Variants in PUDP observed in about 807,000 individuals in gnomAD.
The protein encoded by PUDP is pseudouridine-5'-phosphatase.
PUDP carries 8 observed loss-of-function variants against 9.4 expected under a neutral mutation model. The ratio of observed to expected loss-of-function variants is 0.85; its 90% CI spans 0.50 to 1.53. PUDP has a LOEUF of 1.53. Ranked by LOEUF, PUDP falls within the 40% of genes most tolerant of loss-of-function variation. PUDP has a pLI of 0.00. For synonymous variants in PUDP, 99 were observed against 80.7 expected (o/e 1.23, Z -1.22); for missense variants, 188 against 189.7 (o/e 0.99, Z 0.05).
chrX:6,816,948 C>T (rs1345205482), intron 3 of PUDP, among the ~76,000 whole-genome samples: 1 of 90,296 alleles, frequency 1.1e-5, no homozygotes, highest in African/African-American at 4.2e-5. Flanking sequence ...ATAGTATATA[C>T]TATATGTATA....
intron 1 of PUDP, among the ~76,000 whole-genome samples, chrX:7,014,890 T>C (rs1202313267): frequency 3.6e-5 from 4 of 111,739 alleles, no homozygotes; most frequent in African/African-American, 1.3e-4. Flanking sequence ...ATTCAACAAA[T>C]TGCAACACTG....
At chrX:6,936,032 C>T (rs1928292844) in intron 3 of PUDP, among the ~76,000 whole-genome samples, 2 of 110,901 alleles carry the variant, frequency 1.8e-5, no homozygotes, top group Admixed American at 1.9e-4. Context: ...CAGGTGGATT[C>T]ACAGCCGAAT....
chrX:7,146,983 T>A (rs1176649637), intron 1 of PUDP, among the ~76,000 whole-genome samples: 1 of 110,566 alleles, frequency 9.0e-6, no homozygotes, highest in Non-Finnish European at 1.9e-5. Flanking sequence ...ATATGAAGCC[T>A]CCTGGTGATT....
intron 1 of PUDP, among the ~76,000 whole-genome samples, chrX:7,008,059 G>C (rs1354489646): frequency 9.1e-6 from 1 of 110,070 alleles, no homozygotes; most frequent in African/African-American, 3.3e-5. Flanking sequence ...CACTTCCTGG[G>C]TTCACACCAT....
chrX:6,794,915 T>A (rs1925816388), intron 3 of PUDP, among the ~76,000 whole-genome samples: 2 of 28,245 alleles, frequency 7.1e-5, no homozygotes, highest in Admixed American at 1.2e-3. Flanking sequence ...CTTTATAAAC[T>A]TTTTAGGTTT....
intron 3 of PUDP, among the ~76,000 whole-genome samples, chrX:6,927,883 A>T (rs1355236512): frequency 9.0e-6 from 1 of 110,729 alleles, no homozygotes; most frequent in Admixed American, 9.6e-5. Context: ...AACAGAGATT[A>T]ACTTGTAAAG....
chrX:6,999,995 G>T (rs1407759241), intron 1 of PUDP, among the ~76,000 whole-genome samples: 1 of 110,418 alleles, frequency 9.1e-6, no homozygotes, highest in African/African-American at 3.3e-5. Context: ...TCAAGACATT[G>T]TGTATCCACC....
At chrX:6,890,932 C>T (rs1472993358) in intron 3 of PUDP, among the ~76,000 whole-genome samples, 1 of 55,929 alleles carries the variant, frequency 1.8e-5, no homozygotes, top group Non-Finnish European at 3.1e-5. Flanking sequence ...GGCCTCATCT[C>T]TCCAAAAAAA....
chrX:6,749,147 TAGAA>T (rs1194122191), intron 3 of PUDP, among the ~76,000 whole-genome samples: 1 of 111,786 alleles, frequency 8.9e-6, no homozygotes, highest in Non-Finnish European at 1.9e-5. Flanking sequence ...CTCTGTGCAT[TAGAA>T]AGAAAGATTG....
At chrX:6,706,572 T>C (rs1306470537) in intron 1 of PUDP, 1 of 112,212 alleles carries the variant, frequency 8.9e-6, no homozygotes, top group African/African-American at 3.2e-5. Context: ...TCATATATGA[T>C]AATTTCTTAA....
intron 3 of PUDP, among the ~76,000 whole-genome samples, chrX:6,798,601 A>G (rs1925881622): frequency 8.9e-6 from 1 of 112,220 alleles, no homozygotes; most frequent in Non-Finnish European, 1.9e-5. Context: ...TAATTAAAAT[A>G]GTTTGGTTCT....
At chrX:6,832,295 T>G (rs1926515120) in intron 3 of PUDP, among the ~76,000 whole-genome samples, 1 of 111,341 alleles carries the variant, frequency 9.0e-6, no homozygotes. Context: ...GCTCAACAAC[T>G]CCTCCTTTTG....
intron 1 of PUDP, among the ~76,000 whole-genome samples, chrX:7,111,635 TAGC>T (rs1167471671): frequency 1.3e-4 from 15 of 111,275 alleles, no homozygotes; most frequent in African/African-American, 4.9e-4. Flanking sequence ...CTCTGGAAGC[TAGC>T]AGCCTTGGGT....
intron 1 of PUDP, among the ~76,000 whole-genome samples, chrX:7,112,810 C>T (rs56744354): frequency 3.0e-3 from 311 of 103,869 alleles, no homozygotes; most frequent in African/African-American, 0.01. Flanking sequence ...TACAGGTGTG[C>T]GCCACCACAC....
chrX:7,119,151 A>G (rs919032046), intron 1 of PUDP, among the ~76,000 whole-genome samples: 25 of 112,495 alleles, frequency 2.2e-4, no homozygotes, highest in African/African-American at 8.1e-4. Flanking sequence ...AGGTAGAAGC[A>G]ATGTTACAAG....
At chrX:6,836,200 ATAC>A (rs1057121775) in intron 3 of PUDP, among the ~76,000 whole-genome samples, 1 of 111,600 alleles carries the variant, frequency 9.0e-6, no homozygotes, top group African/African-American at 3.3e-5. Flanking sequence ...AAACCTGTAA[ATAC>A]TATTACAGAT....
intron 3 of PUDP, among the ~76,000 whole-genome samples, chrX:6,775,506 C>CACATAT (rs1925439516): frequency 9.8e-6 from 1 of 101,952 alleles, no homozygotes; most frequent in South Asian, 4.5e-4. Flanking sequence ...CACACACATA[C>CACATAT]ACACACACAC....
intron 1 of PUDP, among the ~76,000 whole-genome samples, chrX:7,042,458 T>C (rs753040965): frequency 2.0e-4 from 22 of 111,883 alleles, no homozygotes; most frequent in Non-Finnish European, 3.6e-4. Flanking sequence ...CATGAGCTAA[T>C]TAGGGTGAAT....
intron 2 of PUDP, among the ~76,000 whole-genome samples, chrX:7,100,544 T>C (rs191143131): frequency 9.0e-6 from 1 of 111,079 alleles, no homozygotes; most frequent in African/African-American, 3.3e-5. Context: ...GGTTATATTA[T>C]CATCTACACC....
Sources: allele counts gnomAD v4.1 joint callset (sites outside exome capture counted in the v4.1 genomes callset), GRCh38; gene constraint gnomAD v4.1.1; transcripts MANE v1.5; gene names NCBI Gene and HGNC (gene_info 2026-07-23, HGNC 2026-07-21).